The following ICA1 variants were observed in gnomAD, a reference collection of about 807,000 sequenced individuals.
ICA1 encodes islet cell autoantigen 1, also known as 69 kDa islet cell autoantigen.
Under a neutral mutation model 71.0 loss-of-function variants are expected in ICA1, and 40 were observed. The observed-to-expected ratio is 0.56, with a 90% CI of 0.44 to 0.73. The LOEUF is 0.73. Ranked by LOEUF, ICA1 falls within the 30% of genes least tolerant of loss-of-function variation. ICA1 has a pLI of 0.00. For synonymous variants in ICA1, 207 were observed against 209.5 expected, an observed-to-expected ratio of 0.99 and a Z score of 0.10; for missense variants, 578 against 576.5, an observed-to-expected ratio of 1.00 and a Z score of -0.03.
intron 8 of ICA1, among the ~76,000 whole-genome samples, chr7:8,147,647 T>C (rs1397497145): frequency 6.6e-6 from 1 of 151,354 alleles, no homozygotes; most frequent in Middle Eastern, 3.4e-3. Context: ...ACTGAGCACA[T>C]GGACTTGTTT....
chr7:8,163,943 T>C (rs1243090880), intron 6 of ICA1, among the ~76,000 whole-genome samples: 1 of 151,960 alleles, frequency 6.6e-6, no homozygotes, highest in East Asian at 1.9e-4. Context: ...AGAGAGAGGA[T>C]CCTATTTTCA....
At chr7:8,188,696 G>A (rs960600976) in intron 6 of ICA1, among the ~76,000 whole-genome samples, 2 of 152,206 alleles carry the variant, frequency 1.3e-5, no homozygotes, top group Non-Finnish European at 2.9e-5. Context: ...AAACTTGGGA[G>A]TACCAGAGTT....
Position 8,244,744 on chromosome 7 carries a change from CA to C in ICA1, c.-79-8740del, listed in dbSNP as rs773960820. Reference sequence around the variant, plus strand: ...GCAAACAACCCCATCAAAAAGTGGGCAAAGGATATGAACAGACACTTCACAA... The same window carrying C: ...GCAAACAACCCCATCAAAAAGTGGGCAAGGATATGAACAGACACTTCACAA... On this transcript the variant is annotated intron_variant, in intron 1 of 13. Transcript: ENST00000402384. Among the ~76,000 whole-genome samples the C allele has an allele frequency of 9.9e-5, 15 of 152,226 alleles. No individual in the cohort carries two copies. The East Asian group carries it at 2.7e-3, about 27-fold the overall frequency.
intron 1 of ICA1, among the ~76,000 whole-genome samples, chr7:8,256,679 G>A (rs1810333249): frequency 1.3e-5 from 2 of 152,256 alleles, no homozygotes; most frequent in Admixed American, 1.3e-4. Context: ...CTGCACTCCT[G>A]TACTCTCCTT....
intron 6 of ICA1, among the ~76,000 whole-genome samples, chr7:8,181,670 G>A (rs1332741098): frequency 6.6e-6 from 1 of 152,106 alleles, no homozygotes; most frequent in Non-Finnish European, 1.5e-5. Flanking sequence ...TTTTAGTATA[G>A]AAGTCTCACA....
At chr7:8,128,211 G>A in intron 12 of ICA1, 69 bp from the exon 13 acceptor site, 1 of 1,503,684 alleles carries the variant, frequency 6.7e-7, no homozygotes, top group Non-Finnish European at 9.0e-7. Flanking sequence ...AATGCTGTGG[G>A]GGCTGCGAAG....
At chr7:8,211,014 G>A (rs144062825) in intron 6 of ICA1, among the ~76,000 whole-genome samples, 1 of 152,188 alleles carries the variant, frequency 6.6e-6, no homozygotes, top group African/African-American at 2.4e-5. Flanking sequence ...GTTGGAGGAA[G>A]GCCGCTGAAT....
At chr7:8,153,168 T>C (rs1317106877) in intron 8 of ICA1, among the ~76,000 whole-genome samples, 2 of 152,220 alleles carry the variant, frequency 1.3e-5, no homozygotes, top group East Asian at 3.8e-4. Context: ...GATTGTGCTT[T>C]TATATACTTT....
rs139315021 is a variant in ICA1, at chr7:8,232,004, T to C, written c.183+586A>G. On this transcript the variant is annotated intron_variant, in intron 3 of 13. Coordinates refer to ENST00000402384, the MANE Select transcript of ICA1 (RefSeq NM_001136020.3). Reference sequence around the variant, plus strand: ...AGTGCCCTGTTATTTATAGAAATGATAGGTATGCTTTCAAAATTTTAATCT... The same window carrying C: ...AGTGCCCTGTTATTTATAGAAATGACAGGTATGCTTTCAAAATTTTAATCT... 1.3e-3 allele frequency among the ~76,000 whole-genome samples: 192 copies of C among 152,316 alleles called. 1 individual carries two copies. Among genetic ancestry groups the C allele is most frequent in the Admixed American group, 1.9e-3 (29 of 15,298 alleles).
At chr7:8,171,189 A>AT (rs1344024539) in intron 6 of ICA1, among the ~76,000 whole-genome samples, 1 of 150,448 alleles carries the variant, frequency 6.6e-6, no homozygotes, top group African/African-American at 2.4e-5. Context: ...CTCCTCTTTC[A>AT]TTTTTTTGGA....
chr7:8,171,845 G>A (rs1317537952), intron 6 of ICA1, among the ~76,000 whole-genome samples: 2 of 151,590 alleles, frequency 1.3e-5, no homozygotes, highest in African/African-American at 2.4e-5. Flanking sequence ...GATTTCCCTC[G>A]TGACATCTTC....
In ICA1 at chr7:8,127,894, C is replaced by G. The variant is rs777725792; in HGVS notation, c.1309G>C (p.Asp437His). Residue 437 changes from aspartate to histidine, a missense_variant, in exon 13 of 14, where the codon GAC (aspartate) becomes CAC (histidine). Coordinates refer to ENST00000402384, the MANE Select transcript of ICA1 (RefSeq NM_001136020.3). ...CTACCTTGTAGCGAGGCCTGTAAGT[C>G]TTTCATATTTTGGTCTAAAAGCTGC... is the stretch of plus-strand genomic sequence containing the variant. The part of the protein sequence containing the change: ...PSQLLDQNMK[D>H]LQASLQEPAK... 1 of 1,613,922 alleles carries G rather than the reference C, an allele frequency of 6.2e-7. No homozygotes were observed. The highest frequency in any genetic ancestry group is 8.5e-7 in the Non-Finnish European group (1 of 1,179,976).
At chr7:8,242,358 TGAAACCAAA>T (rs1371099201) in intron 1 of ICA1, among the ~76,000 whole-genome samples, 3 of 152,220 alleles carry the variant, frequency 2.0e-5, no homozygotes, top group Non-Finnish European at 4.4e-5. Flanking sequence ...AGATGTTCTT[TGAAACCAAA>T]GAGAACAAAG....
chr7:8,120,430 C>T (rs1562503811), intron 13 of ICA1, among the ~76,000 whole-genome samples: 1 of 152,132 alleles, frequency 6.6e-6, no homozygotes, highest in Non-Finnish European at 1.5e-5. Flanking sequence ...AATGCCAAGC[C>T]AGATTTCAAC....
At chr7:8,236,346 G>T (rs934072480) in intron 1 of ICA1, among the ~76,000 whole-genome samples, 1 of 152,184 alleles carries the variant, frequency 6.6e-6, no homozygotes, top group Non-Finnish European at 1.5e-5. Flanking sequence ...AAGGTATAAA[G>T]AATTGCTTAG....
intron 10 of ICA1, among the ~76,000 whole-genome samples, chr7:8,140,772 G>A (rs62435395): frequency 0.094 from 14,371 of 152,318 alleles, 816 homozygotes; most frequent in Middle Eastern, 0.13. Context: ...GCAAAAAAGT[G>A]AGTCTTTTGT....
At chr7:8,135,988 C>T (rs1273843496) in intron 12 of ICA1, among the ~76,000 whole-genome samples, 1 of 152,094 alleles carries the variant, frequency 6.6e-6, no homozygotes, top group Non-Finnish European at 1.5e-5. Flanking sequence ...GGTCAGATTG[C>T]CACATGTGGT....
At chr7:8,251,186 C>T (rs1353635138) in intron 1 of ICA1, among the ~76,000 whole-genome samples, 1 of 152,018 alleles carries the variant, frequency 6.6e-6, no homozygotes, top group East Asian at 1.9e-4. Flanking sequence ...CTGTGCCCAG[C>T]CAGATATTTT....
intron 6 of ICA1, among the ~76,000 whole-genome samples, chr7:8,180,655 G>A (rs1781926723): frequency 6.6e-6 from 1 of 152,042 alleles, no homozygotes; most frequent in Non-Finnish European, 1.5e-5. Context: ...CTTTGATACT[G>A]TCAGTCCTTT....
Sources: gnomAD v4.1 joint callset for allele counts (sites outside exome capture counted in the v4.1 genomes callset) on GRCh38, gnomAD v4.1.1 for gene constraint, MANE v1.5 for transcripts, NCBI Gene and HGNC (gene_info 2026-07-23, HGNC 2026-07-21) for gene names.